Variants in ACACA observed in about 807,000 individuals in gnomAD.
The protein encoded by ACACA is acetyl-CoA carboxylase alpha.
A neutral mutation model predicts 296.1 loss-of-function variants in ACACA; 103 were observed. The ratio of observed to expected loss-of-function variants is 0.35; its 90% CI spans 0.30 to 0.41. ACACA has a LOEUF of 0.41. Ranked by LOEUF, ACACA falls within the 10% of genes least tolerant of loss-of-function variation. ACACA has a pLI of 1.00. For missense variants in ACACA, 1,554 were observed against 2,989.7 expected (o/e 0.52, Z 11.20); for synonymous variants, 953 against 1,038.6 (o/e 0.92, Z 1.58).
chr17:37,212,772 T>A (rs1213416693), intron 29 of ACACA, among the ~76,000 whole-genome samples: 1 of 151,898 alleles, frequency 6.6e-6, no homozygotes, highest in African/African-American at 2.4e-5. Flanking sequence ...ATTATAGGCA[T>A]GAGCCAGCAA....
chr17:37,181,083 T>C (rs2077300481), intron 40 of ACACA, 118 bp downstream of exon 40: 4 of 1,044,672 alleles, frequency 3.8e-6, no homozygotes, highest in East Asian at 4.7e-5. Context: ...ATGAAAACAG[T>C]GTCAAGATAT....
intron 3 of ACACA, chr17:37,299,300 CA>C: frequency 6.2e-7 from 1 of 1,613,908 alleles, no homozygotes; most frequent in Non-Finnish European, 8.5e-7. Flanking sequence ...TGTAATATCT[CA>C]TTTCCTTATT....
At chr17:37,103,970 G>A (rs1489536301) in intron 52 of ACACA, among the ~76,000 whole-genome samples, 2 of 152,182 alleles carry the variant, frequency 1.3e-5, no homozygotes, top group Non-Finnish European at 2.9e-5. Context: ...CTGGAGCCCA[G>A]GAGTTCAAGC....
intron 41 of ACACA, among the ~76,000 whole-genome samples, chr17:37,171,377 T>G (rs1042385258): frequency 1.3e-5 from 2 of 152,152 alleles, no homozygotes; most frequent in Non-Finnish European, 2.9e-5. Flanking sequence ...CTCAGATATA[T>G]AACAAAATGT....
Position 37,330,567 on chromosome 17 carries a change from T to C in ACACA, c.86-142A>G, listed in dbSNP as rs896610369. The C allele has an allele frequency of 4.9e-6, 5 of 1,013,518 alleles. No individual in the cohort carries two copies. In the South Asian group the frequency reaches 7.6e-5, roughly 15 times the overall value. The allele number at this position is 1,013,518 out of a possible 1,614,324, so 62.8% of individuals were successfully genotyped here. ...GAACTAACTTCCTTGGCTATTCTAT[T>C]TCAGGGCCTTTAATTTCTACAAGGG... On this transcript the variant is annotated intron_variant, in intron 2 of 55. Transcript: ENST00000616317.
At chr17:37,256,905 A>AG (rs1384925483) in intron 14 of ACACA, among the ~76,000 whole-genome samples, 1 of 152,202 alleles carries the variant, frequency 6.6e-6, no homozygotes. Context: ...ACAAAGGTAA[A>AG]GGGAATGGTA....
At chr17:37,187,565 G>C (rs2077584445) in intron 39 of ACACA, among the ~76,000 whole-genome samples, 1 of 152,150 alleles carries the variant, frequency 6.6e-6, no homozygotes, top group African/African-American at 2.4e-5. Context: ...AACCAACGTA[G>C]TAAAAAAGAT....
Position 37,192,157 on chromosome 17 carries a change from C to T in ACACA, c.4349G>A (p.Gly1450Asp). ...LYLGAAKVEV[G>D]TEVTDYRFFV... ...GAACCTGTAGTCTGTCACTTCTGTG[C>T]CCACTTCCACCTTGGCTGCCCCGAG... Residue 1450 changes from glycine (G) to aspartate (D), a missense_variant, in exon 37 of 56, where the codon GGC becomes GAC. By Grantham distance (94) the Gly-to-Asp change is moderately conservative. Around this residue, in one of 16 missense-constraint regions of ACACA, gnomAD observed 179 missense variants for 283.2 expected, o/e 0.63. Coordinates refer to ENST00000616317, the MANE Select transcript of ACACA (RefSeq NM_198834.3). 6.2e-7 allele frequency: 1 copy of T among 1,614,032 alleles called. No individual in the cohort carries two copies. Among genetic ancestry groups the T allele is most frequent in the Non-Finnish European group, 8.5e-7 (1 of 1,180,002 alleles).
intron 54 of ACACA, among the ~76,000 whole-genome samples, chr17:37,094,576 C>G (rs905122268): frequency 1.2e-4 from 12 of 98,270 alleles, no homozygotes; most frequent in Non-Finnish European, 2.2e-4. Context: ...AGAACCACCC[C>G]CCCCCCCCCA....
chr17:37,140,169 T>C (rs902505033), intron 45 of ACACA, among the ~76,000 whole-genome samples: 2 of 152,220 alleles, frequency 1.3e-5, no homozygotes, highest in African/African-American at 2.4e-5. Context: ...ACACAACAAT[T>C]GTGTGGTTGA....
chr17:37,120,762 C>T (rs2074489887), intron 50 of ACACA, among the ~76,000 whole-genome samples: 1 of 152,212 alleles, frequency 6.6e-6, no homozygotes, highest in Admixed American at 6.5e-5. Context: ...TCGCTCTACA[C>T]ATCAAGGTTT....
intron 1 of ACACA, among the ~76,000 whole-genome samples, chr17:37,389,576 A>G (rs1292399989): frequency 1.3e-5 from 2 of 151,888 alleles, no homozygotes; most frequent in Non-Finnish European, 2.9e-5. Flanking sequence ...ACTCCCAGCT[A>G]CTCGGAAGGC....
At chr17:37,225,295 A>C in intron 26 of ACACA, 190 bp from the exon 27 acceptor site, 4 of 556,796 alleles carry the variant, frequency 7.2e-6, no homozygotes, top group Non-Finnish European at 9.7e-6. Context: ...ACTGAATCTC[A>C]GTTGACTCTC....
chr17:37,142,003 T>TG (rs2075604687), intron 45 of ACACA, among the ~76,000 whole-genome samples: 1 of 48,454 alleles, frequency 2.1e-5, no homozygotes, highest in Admixed American at 3.1e-4. Flanking sequence ...GTTTTTTTTG[T>TG]TTTTTTTTGT....
At position 37,399,779 on chromosome 17, in the gene ACACA, A is replaced by G. The variant is rs2051217965; in HGVS notation, c.38+6483T>C. ...TATTATGAAAATCCTGATGCCAGCC[A>G]ACTCTTGAGTGTTAAATAATGAGAG... On this transcript the variant is annotated intron_variant, in intron 1 of 55. Transcript: ENST00000616317. 2.0e-5 allele frequency among the ~76,000 whole-genome samples: 3 copies of G among 152,182 alleles called. No homozygotes were observed. The South Asian group carries it at 6.2e-4, about 32-fold the overall frequency.
At chr17:37,246,569 T>A (rs1050795549) in intron 19 of ACACA, among the ~76,000 whole-genome samples, 2 of 151,954 alleles carry the variant, frequency 1.3e-5, no homozygotes, top group South Asian at 4.2e-4. Flanking sequence ...AGTGGCTGGG[T>A]CTACAGGCAT....
chr17:37,329,171 A>G (rs182927776), intron 3 of ACACA, among the ~76,000 whole-genome samples: 2 of 152,356 alleles, frequency 1.3e-5, no homozygotes, highest in East Asian at 3.9e-4. Flanking sequence ...TAGAAACAGA[A>G]TATAACTTCC....
At chr17:37,253,351 C>T (rs1017380061) in intron 14 of ACACA, among the ~76,000 whole-genome samples, 3 of 152,082 alleles carry the variant, frequency 2.0e-5, no homozygotes, top group African/African-American at 7.2e-5. Flanking sequence ...GAGATCACGC[C>T]ACTGCACTCT....
In ACACA at chr17:37,379,429, C is replaced by G. The variant is rs769548047; in HGVS notation, c.38+26833G>C. 12 of 1,584,666 alleles carry G rather than the reference C, an allele frequency of 7.6e-6. No individual in the cohort carries two copies. In the South Asian group the frequency reaches 1.3e-4, roughly 17 times the overall value. On this transcript the variant is annotated intron_variant, in intron 1 of 55. Coordinates refer to ENST00000616317, the MANE Select transcript of ACACA (RefSeq NM_198834.3). ...GGGGCAGGCACTAACTTTTAGTTGA[C>G]ATCCTTGAAGGCAGCCAGAACTCCG...
Sources: allele counts gnomAD v4.1 joint callset (sites outside exome capture counted in the v4.1 genomes callset), GRCh38; gene constraint gnomAD v4.1.1; regional missense constraint gnomAD v4.1.1; transcripts MANE v1.5; gene names NCBI Gene and HGNC (gene_info 2026-07-23, HGNC 2026-07-21).